The following TPRX1 variants were observed in gnomAD, a reference collection of about 807,000 sequenced individuals.
The protein encoded by TPRX1 is tetrapeptide repeat homeobox 1, also known as tetra-peptide repeat homeobox protein 1.
Under a neutral mutation model 8.1 loss-of-function variants are expected in TPRX1, and 2 were observed. The ratio of observed to expected loss-of-function variants is 0.25; its 90% confidence interval spans 0.10 to 0.78. The LOEUF is 0.78. Among genes scored for constraint, TPRX1 ranks in the 30% least tolerant of loss-of-function variants. The pLI, the probability that TPRX1 is intolerant of heterozygous loss-of-function variation, is 0.70. For missense variants in TPRX1, 517 were observed against 586.9 expected (o/e 0.88, Z 1.23); for synonymous variants, 257 against 254.1 (o/e 1.01, Z -0.11).
At chr19:47,812,872 G>A (rs1343222934) in intron 2 of TPRX1, among the ~76,000 whole-genome samples, 1 of 151,914 alleles carries the variant, frequency 6.6e-6, no homozygotes, top group African/African-American at 2.4e-5. Context: ...TTGGGAGGCC[G>A]AGGCGGGTGG....
intron 2 of TPRX1, among the ~76,000 whole-genome samples, chr19:47,810,890 G>T (rs1470586857): frequency 1.3e-5 from 2 of 151,370 alleles, no homozygotes; most frequent in Admixed American, 1.3e-4. Flanking sequence ...AAGGCATGAG[G>T]TTGGCCTTTG....
At chr19:47,802,609 T>A in exon 4 of TPRX1, 1 of 1,550,312 alleles carries the variant, frequency 6.5e-7, no homozygotes, top group Non-Finnish European at 8.7e-7. Context: ...GGCCTGGGAT[T>A]GGGGCTGGGA....
At position 47,803,946 on chromosome 19, in the gene TPRX1, C is replaced by G. The variant is rs1011081822; in HGVS notation, c.152-273G>C. On this transcript the variant is annotated intron_variant, in intron 2 of 3. Coordinates refer to ENST00000535759, the Ensembl canonical transcript of TPRX1. ...GCTGCCTCAGGCCTGCTCAACCCTCCCCAGCTGCCCCGTCCCCTCCCATCC... is the reference window on the plus strand; with the variant it reads ...GCTGCCTCAGGCCTGCTCAACCCTCGCCAGCTGCCCCGTCCCCTCCCATCC... Among the ~76,000 whole-genome samples, 6 of 152,136 alleles carry G rather than the reference C, an allele frequency of 3.9e-5. 1 individual carries two copies. The highest frequency in any genetic ancestry group is 3.9e-4 in the Admixed American group (6 of 15,274).
intron 2 of TPRX1, among the ~76,000 whole-genome samples, chr19:47,812,386 C>T (rs1967791845): frequency 6.6e-6 from 1 of 151,560 alleles, no homozygotes; most frequent in African/African-American, 2.4e-5. Flanking sequence ...TGCTTGAGGC[C>T]AGGAGTTCGA....
exon 4 of TPRX1, chr19:47,802,414 G>C (rs1242471288): frequency 7.7e-7 from 1 of 1,304,344 alleles, no homozygotes; most frequent in Non-Finnish European, 1.1e-6. Context: ...TCGGGACTGA[G>C]ATTGGGCCTG....
chr19:47,809,694 T>C (rs533040447), intron 2 of TPRX1, among the ~76,000 whole-genome samples: 1 of 152,296 alleles, frequency 6.6e-6, no homozygotes, highest in East Asian at 1.9e-4. Flanking sequence ...TATTTTTTAA[T>C]GGACAACCTG....
rs146559703 is a variant in TPRX1, at chr19:47,811,148, C to T, written c.151+7320G>A. ...CCTCCAGAGTAGCTGGGATTACAGG[C>T]GCCCGCCACCATGCTTGGCTAATTT... On this transcript the variant is annotated intron_variant, in intron 2 of 3. Coordinates refer to ENST00000535759, the Ensembl canonical transcript of TPRX1. Among the ~76,000 whole-genome samples the T allele has an allele frequency of 7.9e-4, 119 of 151,506 alleles. 2 individuals are homozygous for T. Among genetic ancestry groups the T allele is most frequent in the Non-Finnish European group, 1.1e-3 (77 of 67,852 alleles).
intron 2 of TPRX1, among the ~76,000 whole-genome samples, chr19:47,815,159 TA>T (rs1157952929): frequency 3.8e-4 from 35 of 92,950 alleles, no homozygotes; most frequent in East Asian, 3.3e-3. Context: ...TATATATATA[TA>T]TATTTTTTTT....
intron 2 of TPRX1, among the ~76,000 whole-genome samples, chr19:47,806,183 C>T (rs1967733641): frequency 6.6e-6 from 1 of 150,488 alleles, no homozygotes; most frequent in Admixed American, 6.7e-5. Flanking sequence ...GATTGTGCCA[C>T]TGTACTCCAG....
intron 2 of TPRX1, among the ~76,000 whole-genome samples, chr19:47,806,694 G>A (rs566903965): frequency 4.1e-4 from 63 of 152,260 alleles, no homozygotes; most frequent in Admixed American, 2.6e-3. Context: ...AGACTCAAAA[G>A]CACATATACG....
At chr19:47,810,431 C>T (rs1159125119) in intron 2 of TPRX1, among the ~76,000 whole-genome samples, 1 of 144,036 alleles carries the variant, frequency 6.9e-6, no homozygotes, top group South Asian at 2.3e-4. Context: ...TCACTGCAAC[C>T]TCTGCCTCTC....
Position 47,802,819 on chromosome 19 carries a change from T to C in TPRX1, c.483A>G (p.Pro161=), listed in dbSNP as rs1309727532. Residue 161 remains proline, a synonymous_variant, in exon 4 of 4, where the codon CCA becomes CCG. Coordinates refer to ENST00000535759, the Ensembl canonical transcript of TPRX1. ...GGCTGCAGATCGTGGGTTCCGCCGC[T>C]GGAAGGATTCCCGAGGGGCCCCGCT... The C allele has an allele frequency of 2.5e-6, 4 of 1,601,632 alleles. No homozygotes were observed. The Admixed American group carries it at 6.8e-5, about 27-fold the overall frequency.
At chr19:47,803,826 C>T in intron 2 of TPRX1, 153 bp from the exon 2 acceptor site, 7 of 483,926 alleles carry the variant, frequency 1.4e-5, no homozygotes, top group South Asian at 6.1e-5. Context: ...GACCTTGCAC[C>T]TCTCTGGGCC....
At chr19:47,818,815 A>G (rs964731492) in intron 1 of TPRX1, among the ~76,000 whole-genome samples, 1 of 152,170 alleles carries the variant, frequency 6.6e-6, no homozygotes, top group Admixed American at 6.5e-5. Flanking sequence ...ACATATGGAT[A>G]CATGTGCCAT....
chr19:47,808,119 C>A (rs933891397), intron 2 of TPRX1, among the ~76,000 whole-genome samples: 6 of 151,564 alleles, frequency 4.0e-5, no homozygotes, highest in African/African-American at 1.5e-4. Flanking sequence ...ATTTTATTTT[C>A]TTTATTTGTT....
chr19:47,811,536 T>C (rs1389929159), intron 2 of TPRX1, among the ~76,000 whole-genome samples: 4 of 149,894 alleles, frequency 2.7e-5, no homozygotes, highest in African/African-American at 9.9e-5. Context: ...TCTCACTCTG[T>C]TGCCCCGGCT....
rs553771737 is a variant in TPRX1 at position 47,817,185 on chromosome 19, G to T, written c.151+1283C>A. 8.5e-5 allele frequency among the ~76,000 whole-genome samples: 13 copies of T among 152,322 alleles called. No homozygotes were observed. In the East Asian group the frequency reaches 2.5e-3, roughly 29 times the overall value. ...CAGATAACTCCATTCTACAGGCAGG[G>T]AGACTGAGCCTGGGAAGGAGGGAGG... On this transcript the variant is annotated intron_variant, in intron 2 of 3. Transcript: ENST00000535759.
chr19:47,810,035 A>G (rs1967768184), intron 2 of TPRX1, among the ~76,000 whole-genome samples: 1 of 151,900 alleles, frequency 6.6e-6, no homozygotes, highest in Non-Finnish European at 1.5e-5. Context: ...TGGGCGGATC[A>G]CCTGAGGTCA....
chr19:47,803,158 A>G (rs1394431325), intron 3 of TPRX1, among the ~76,000 whole-genome samples, 178 bp from the exon 3 acceptor site: 34 of 151,540 alleles, frequency 2.2e-4, no homozygotes, highest in Middle Eastern at 3.4e-3. Context: ...AGAGGGAGGG[A>G]AAAGTAGGGG....
Sources: allele counts gnomAD v4.1 joint callset (sites outside exome capture counted in the v4.1 genomes callset), GRCh38; gene constraint gnomAD v4.1.1; transcripts MANE v1.5; gene names NCBI Gene and HGNC (gene_info 2026-07-23, HGNC 2026-07-21).